The following C11orf65 variants were observed in gnomAD, a reference collection of about 807,000 sequenced individuals.
C11orf65 encodes protein MFI.
Under a neutral mutation model 35.3 loss-of-function variants are expected in C11orf65, and 38 were observed. That is an observed-to-expected ratio of 1.08 (90% CI 0.83 to 1.41). C11orf65 has a LOEUF of 1.41. C11orf65 is among the 40% of genes most tolerant of loss of function. The probability of loss-of-function intolerance (pLI) is 0.00; values close to 1 mark genes in which losing one functional copy is unlikely to be tolerated. For missense variants in C11orf65, 370 were observed against 367.1 expected, an observed-to-expected ratio of 1.01 and a Z score of -0.06; for synonymous variants, 105 against 114.4, an observed-to-expected ratio of 0.92 and a Z score of 0.53.
chr11:108,353,662 G>T, intron 2 of C11orf65: 1 of 892,576 alleles, frequency 1.1e-6, no homozygotes, highest in Non-Finnish European at 1.9e-6. Context: ...TTCATAGAAC[G>T]TAGGTAACAT....
chr11:108,383,403 A>C (rs1194072714), intron 8 of C11orf65, among the ~76,000 whole-genome samples: 1 of 152,198 alleles, frequency 6.6e-6, no homozygotes, highest in African/African-American at 2.4e-5. Context: ...TTTAGGTCTG[A>C]TCTACTAATA....
chr11:108,462,463 G>C (rs2093483977), intron 1 of C11orf65: 1 of 152,200 alleles, frequency 6.6e-6, no homozygotes, highest in East Asian at 1.9e-4. Context: ...AGGAGCCTAG[G>C]CTTTAAGGCC....
At chr11:108,327,660 A>C, downstream of C11orf65, 4 of 1,613,916 alleles carry the variant, frequency 2.5e-6, no homozygotes, top group Non-Finnish European at 3.4e-6. Context: ...TCCCAGCCTA[A>C]AACTTACATA....
At chr11:108,324,986 A>T (rs1388895148) in intron 6 of C11orf65, among the ~76,000 whole-genome samples, 2 of 152,114 alleles carry the variant, frequency 1.3e-5, no homozygotes, top group Admixed American at 1.3e-4. Context: ...ATTCTTTATG[A>T]TAGGTCTGAT....
At chr11:108,441,395 G>GA (rs1203173536) in intron 2 of C11orf65, among the ~76,000 whole-genome samples, 1 of 152,232 alleles carries the variant, frequency 6.6e-6, no homozygotes, top group Non-Finnish European at 1.5e-5. Context: ...ACCTCTGGGG[G>GA]CAGGGCATAG....
chr11:108,440,478 T>C (rs765555548), intron 2 of C11orf65, among the ~76,000 whole-genome samples: 6 of 152,230 alleles, frequency 3.9e-5, no homozygotes, highest in Non-Finnish European at 7.3e-5. Flanking sequence ...CAGCTAGGTC[T>C]CTTGGTTCTT....
At chr11:108,417,948 G>A (rs532329385) in intron 3 of C11orf65, among the ~76,000 whole-genome samples, 2 of 110,250 alleles carry the variant, frequency 1.8e-5, no homozygotes, top group East Asian at 2.6e-4. Context: ...ATTACTGACA[G>A]TAAAACTTTC....
downstream of C11orf65, among the ~76,000 whole-genome samples, chr11:108,380,748 G>A (rs1304759534): frequency 1.3e-5 from 2 of 152,282 alleles, no homozygotes; most frequent in Admixed American, 6.5e-5. Flanking sequence ...CAGTTCTTTG[G>A]TGGCAACATG....
chr11:108,457,886 AC>A (rs2093426500), intron 2 of C11orf65, among the ~76,000 whole-genome samples: 1 of 152,188 alleles, frequency 6.6e-6, no homozygotes. Flanking sequence ...TTTAGAAGTC[AC>A]CCACTTGACT....
intron 2 of C11orf65, among the ~76,000 whole-genome samples, chr11:108,363,294 C>T (rs1487904466): frequency 6.6e-6 from 1 of 152,174 alleles, no homozygotes; most frequent in East Asian, 1.9e-4. Flanking sequence ...GATCTCCCCG[C>T]TTCCTAAGCC....
chr11:108,448,270 CCTAA>C (rs1405372049), intron 2 of C11orf65, among the ~76,000 whole-genome samples: 1 of 152,154 alleles, frequency 6.6e-6, no homozygotes, highest in Admixed American at 6.5e-5. Flanking sequence ...GGGAATCCTC[CCTAA>C]CTCTTTTTAT....
At chr11:108,403,420 G>GTTTTTTTTTTTTTTTTTT (rs869122131) in intron 6 of C11orf65, among the ~76,000 whole-genome samples, 1 of 119,710 alleles carries the variant, frequency 8.4e-6, no homozygotes, top group African/African-American at 3.4e-5. Flanking sequence ...TTTTTTTTTT[G>GTTTTTTTTTTTTTTTTTT]TTTTTTTTTT....
intron 2 of C11orf65, chr11:108,355,697 C>G (rs938246407): frequency 6.6e-6 from 1 of 152,212 alleles, no homozygotes; most frequent in Admixed American, 6.5e-5. Flanking sequence ...AACATTGATG[C>G]TGATCAAATT....
In C11orf65 at chr11:108,422,194, C is replaced by T. The variant is rs572985463; in HGVS notation, c.174+9552G>A. Among the ~76,000 whole-genome samples the T allele has an allele frequency of 2.9e-4, 44 of 152,272 alleles. No individual in the cohort carries two copies. In the Middle Eastern group the frequency reaches 0.02, roughly 71 times the overall value. On this transcript the variant is annotated intron_variant, in intron 3 of 8. Transcript: ENST00000393084. Reference sequence around the variant, plus strand: ...CCGCCCGACTCAGCCTCCCAAAGTGCTGGGATTACAGGCGTGAGCCACCGC... The same window carrying T: ...CCGCCCGACTCAGCCTCCCAAAGTGTTGGGATTACAGGCGTGAGCCACCGC...
chr11:108,375,049 A>T (rs1170740719), intron 2 of C11orf65, among the ~76,000 whole-genome samples: 7 of 152,236 alleles, frequency 4.6e-5, no homozygotes, highest in South Asian at 2.1e-4. Flanking sequence ...TGGAACCAAG[A>T]TGGAAAACAC....
At chr11:108,418,942 A>T (rs1051184170) in intron 3 of C11orf65, among the ~76,000 whole-genome samples, 1 of 152,214 alleles carries the variant, frequency 6.6e-6, no homozygotes, top group Non-Finnish European at 1.5e-5. Flanking sequence ...TAGCACAAGA[A>T]GAAATACAAA....
chr11:108,417,888 C>T (rs2138843523), intron 3 of C11orf65, among the ~76,000 whole-genome samples: 1 of 150,844 alleles, frequency 6.6e-6, no homozygotes, highest in East Asian at 2.0e-4. Flanking sequence ...GCACATTCTG[C>T]ACAAGTATCT....
At chr11:108,460,538 A>C (rs1206861357) in intron 2 of C11orf65, among the ~76,000 whole-genome samples, 1 of 152,192 alleles carries the variant, frequency 6.6e-6, no homozygotes, top group Admixed American at 6.5e-5. Context: ...TATATTCCTA[A>C]CATCTGCTCA....
chr11:108,444,823 G>A (rs2093224534), intron 2 of C11orf65, among the ~76,000 whole-genome samples: 1 of 152,192 alleles, frequency 6.6e-6, no homozygotes, highest in Non-Finnish European at 1.5e-5. Flanking sequence ...CACTCCGGCA[G>A]CGCAAGGGGT....
Sources: allele counts gnomAD v4.1 joint callset (sites outside exome capture counted in the v4.1 genomes callset), GRCh38; gene constraint gnomAD v4.1.1; transcripts MANE v1.5; gene names NCBI Gene and HGNC (gene_info 2026-07-23, HGNC 2026-07-21).